Variants in SGMS1 observed in about 807,000 individuals in gnomAD.
SGMS1 encodes phosphatidylcholine:ceramide cholinephosphotransferase 1.
SGMS1 carries 13 observed loss-of-function variants against 46.2 expected under a neutral mutation model. The observed-to-expected ratio is 0.28, with a 90% CI of 0.18 to 0.45. The LOEUF (loss-of-function observed/expected upper bound fraction) is 0.45, where lower values mean the gene tolerates loss of function less well. Among genes scored for constraint, SGMS1 ranks in the 20% least tolerant of loss-of-function variants. SGMS1 has a pLI of 1.00. For synonymous variants in SGMS1, 203 were observed against 187.8 expected (o/e 1.08, Z -0.66); for missense variants, 324 against 519.9 (o/e 0.62, Z 3.66).
intron 5 of SGMS1, among the ~76,000 whole-genome samples, chr10:50,454,674 T>C (rs889749123): frequency 6.6e-6 from 1 of 152,210 alleles, no homozygotes; most frequent in Non-Finnish European, 1.5e-5. Context: ...TTTATTATTA[T>C]TTTACAATTC....
At chr10:50,546,876 A>AT (rs1271897453) in intron 2 of SGMS1, among the ~76,000 whole-genome samples, 23 of 151,106 alleles carry the variant, frequency 1.5e-4, no homozygotes, top group African/African-American at 5.4e-4. Flanking sequence ...TATAATAATA[A>AT]AAAAAAAGAC....
At chr10:50,325,394 ACCT>A (rs1016205377) in intron 8 of SGMS1, among the ~76,000 whole-genome samples, 3 of 152,132 alleles carry the variant, frequency 2.0e-5, no homozygotes, top group Admixed American at 2.0e-4. Flanking sequence ...CTAATATTTC[ACCT>A]CCTACTGTTT....
intron 4 of SGMS1, among the ~76,000 whole-genome samples, chr10:50,464,877 A>C (rs1250551507): frequency 6.6e-6 from 1 of 152,218 alleles, no homozygotes; most frequent in East Asian, 1.9e-4. Flanking sequence ...CCTCTCCCTC[A>C]CCTGGTAGAG....
Position 50,426,765 on chromosome 10 carries a change from C to T in SGMS1, c.-232+6711G>A, listed in dbSNP as rs190862707. ...CATAGAAACCACTAGTCAGACAGAC[C>T]TCTATGAGCTATTGATTTCACTCCC... On this transcript the variant is annotated intron_variant, in intron 6 of 10. Coordinates refer to ENST00000361781, the MANE Select transcript of SGMS1 (RefSeq NM_147156.4). 1.8e-4 allele frequency among the ~76,000 whole-genome samples: 27 copies of T among 152,308 alleles called. No individual in the cohort carries two copies. The East Asian group carries it at 4.6e-3, about 26-fold the overall frequency.
intron 1 of SGMS1, among the ~76,000 whole-genome samples, chr10:50,595,621 T>C (rs967888554): frequency 6.6e-6 from 1 of 152,244 alleles, no homozygotes; most frequent in African/African-American, 2.4e-5. Flanking sequence ...AGACACCACT[T>C]GAACCTATTG....
rs372079243 is a variant in SGMS1 at position 50,383,914 on chromosome 10, A to G, written c.-231-39569T>C. 1.4e-4 allele frequency among the ~76,000 whole-genome samples: 21 copies of G among 152,320 alleles called. 1 individual carries two copies. The highest frequency in any genetic ancestry group is 4.8e-4 in the African/African-American group (20 of 41,572). On this transcript the variant is annotated intron_variant, in intron 6 of 10. Coordinates refer to ENST00000361781, the MANE Select transcript of SGMS1 (RefSeq NM_147156.4). ...CATAGCAGTTAATGTGGTGCTATAC[A>G]CTGAATATAGACCTTTTGGGGATAA... is the stretch of plus-strand genomic sequence containing the variant.
intron 6 of SGMS1, among the ~76,000 whole-genome samples, chr10:50,419,498 T>TA (rs11386761): frequency 0.86 from 131,421 of 152,232 alleles, 56,853 homozygotes; most frequent in East Asian, 1. Flanking sequence ...TGGTAGCAAA[T>TA]AGGCTTAAAA....
intron 2 of SGMS1, among the ~76,000 whole-genome samples, chr10:50,554,551 C>CA (rs1337476636): frequency 6.6e-6 from 1 of 152,204 alleles, no homozygotes; most frequent in Non-Finnish European, 1.5e-5. Context: ...AGCGGCCTCT[C>CA]AGCCCAAGCC....
intron 7 of SGMS1, among the ~76,000 whole-genome samples, chr10:50,330,840 G>A (rs1179129183): frequency 2.6e-5 from 4 of 152,172 alleles, no homozygotes; most frequent in African/African-American, 9.7e-5. Flanking sequence ...GATTCCAGCT[G>A]TAAAACATGA....
At chr10:50,614,987 T>C (rs1564444936) in intron 1 of SGMS1, among the ~76,000 whole-genome samples, 1 of 152,234 alleles carries the variant, frequency 6.6e-6, no homozygotes, top group Non-Finnish European at 1.5e-5. Context: ...TCCCTGTGAT[T>C]CCGACATCTC....
intron 3 of SGMS1, among the ~76,000 whole-genome samples, chr10:50,490,762 T>A (rs989448490): frequency 2.0e-5 from 3 of 152,112 alleles, no homozygotes; most frequent in Non-Finnish European, 4.4e-5. Flanking sequence ...GGCAAAAAAA[T>A]TGCAGGAATT....
At chr10:50,552,287 A>G (rs1838155441) in intron 2 of SGMS1, among the ~76,000 whole-genome samples, 1 of 152,256 alleles carries the variant, frequency 6.6e-6, no homozygotes, top group Non-Finnish European at 1.5e-5. Context: ...CAGTTAAAAC[A>G]CACTCTATGC....
rs568431047 is a variant in SGMS1 at position 50,594,515 on chromosome 10, G to T, written c.-683-4268C>A. ...TTTTTTTAAACAGGCAGTTGGTTAG[G>T]TTTTTTAATATTTTTACCTATAAAA... On this transcript the variant is annotated intron_variant, in intron 1 of 10. Transcript: ENST00000361781. Among the ~76,000 whole-genome samples the T allele has an allele frequency of 3.3e-5, 5 of 152,038 alleles. No homozygotes were observed. In the South Asian group the frequency reaches 6.2e-4, roughly 19 times the overall value.
chr10:50,518,285 A>C (rs948943231), intron 3 of SGMS1, among the ~76,000 whole-genome samples: 4 of 152,228 alleles, frequency 2.6e-5, no homozygotes, highest in Non-Finnish European at 5.9e-5. Flanking sequence ...TTTTCAGGAT[A>C]ATCATTAGAA....
At chr10:50,453,796 GAGA>G (rs1837145649) in intron 5 of SGMS1, among the ~76,000 whole-genome samples, 1 of 33,828 alleles carries the variant, frequency 3.0e-5, no homozygotes, top group Non-Finnish European at 5.9e-5. Context: ...GGAGGGAGGG[GAGA>G]GGAAGGAGGG....
intron 7 of SGMS1, among the ~76,000 whole-genome samples, chr10:50,338,366 T>C (rs1047357896): frequency 2.0e-5 from 3 of 152,224 alleles, no homozygotes; most frequent in Non-Finnish European, 2.9e-5. Flanking sequence ...TGTCTTATGC[T>C]ATTCCTTTTA....
At chr10:50,532,921 G>A (rs148524735) in intron 2 of SGMS1, among the ~76,000 whole-genome samples, 182 of 152,178 alleles carry the variant, frequency 1.2e-3, no homozygotes, top group African/African-American at 4.1e-3. Context: ...GCAGTTACTC[G>A]GTACCAAGTG....
At chr10:50,365,255 C>CAAAAAAAAA (rs67951872) in intron 6 of SGMS1, among the ~76,000 whole-genome samples, 25 of 45,028 alleles carry the variant, frequency 5.6e-4, no homozygotes, top group East Asian at 3.1e-3. Context: ...TCCATCTCAC[C>CAAAAAAAAA]AAAAAAAAAA....
intron 5 of SGMS1, among the ~76,000 whole-genome samples, chr10:50,460,326 T>C (rs965847376): frequency 6.6e-6 from 1 of 152,172 alleles, no homozygotes; most frequent in African/African-American, 2.4e-5. Context: ...ATGAGACACA[T>C]TTGCTGAGCT....
Sources: allele counts gnomAD v4.1 joint callset (sites outside exome capture counted in the v4.1 genomes callset), GRCh38; gene constraint gnomAD v4.1.1; transcripts MANE v1.5; gene names NCBI Gene and HGNC (gene_info 2026-07-23, HGNC 2026-07-21).